The following ELP2 variants were observed in gnomAD, a reference collection of about 807,000 sequenced individuals.
ELP2 encodes elongator complex protein 2.
A neutral mutation model predicts 119.2 loss-of-function variants in ELP2; 90 were observed. That is an observed-to-expected ratio of 0.75 (90% CI 0.64 to 0.90). The LOEUF (loss-of-function observed/expected upper bound fraction) is 0.90. Among genes scored for constraint, ELP2 ranks in the 40% least tolerant of loss-of-function variants. The pLI, the probability that ELP2 is intolerant of heterozygous loss-of-function variation, is 0.00. For synonymous variants in ELP2, 339 were observed against 331.0 expected, an observed-to-expected ratio of 1.02 and a Z score of -0.26; for missense variants, 921 against 967.8, an observed-to-expected ratio of 0.95 and a Z score of 0.64.
rs576267860 is a variant in ELP2 at position 36,177,059 on chromosome 18, G to A, written c.*2418G>A. 1 of 152,098 alleles carries A rather than the reference G, an allele frequency of 6.6e-6. No individual in the cohort carries two copies. Among genetic ancestry groups the A allele is most frequent in the African/African-American group, 2.4e-5 (1 of 41,404 alleles). 9.4% of individuals were successfully genotyped at this position (152,098 alleles called of 1,614,324 possible). The stretch of plus-strand genomic sequence containing the variant: ...GACTTGGAAAAAAACAATGAACGCT[G>A]GTCATTGATATGTATACTGACATGT... On this transcript the variant is annotated 3_prime_UTR_variant, in exon 22 of 22. Coordinates refer to ENST00000358232, the MANE Select transcript of ELP2 (RefSeq NM_018255.4).
chr18:36,130,307 A>G (rs2089560258), intron 1 of ELP2, among the ~76,000 whole-genome samples: 1 of 152,200 alleles, frequency 6.6e-6, no homozygotes, highest in Non-Finnish European at 1.5e-5. Context: ...ATGAGCTGCT[A>G]GTAACCTGTT....
At position 36,174,735 on chromosome 18, in the gene ELP2, T is replaced by C. The variant is rs756219570; in HGVS notation, c.*94T>C. ...TACCTTCATAACTGAATTGAGTTTC[T>C]GGGTTTTTTTTTTTTTTGAGATGGA... On this transcript the variant is annotated 3_prime_UTR_variant, in exon 22 of 22. Coordinates refer to ENST00000358232, the MANE Select transcript of ELP2 (RefSeq NM_018255.4). The C allele has an allele frequency of 8.5e-6, 11 of 1,289,244 alleles. No individual in the cohort carries two copies. Among genetic ancestry groups the C allele is most frequent in the Middle Eastern group, 4.2e-4 (2 of 4,806 alleles). 79.9% of individuals were successfully genotyped at this position (1,289,244 alleles called of 1,614,324 possible).
Position 36,177,338 on chromosome 18 carries a change from A to T in ELP2, c.*2697A>T, listed in dbSNP as rs2091248452. ...ATTATTCAGCCTCTAAAAGGAAGAT[A>T]CGCTGACATGTGCTGCAACATGGAT... On this transcript the variant is annotated 3_prime_UTR_variant, in exon 22 of 22. Transcript: ENST00000358232. The T allele has an allele frequency of 6.6e-6, 1 of 152,232 alleles. No individual in the cohort carries two copies. Among genetic ancestry groups the T allele is most frequent in the Non-Finnish European group, 1.5e-5 (1 of 68,038 alleles). The allele number at this position is 152,232 out of a possible 1,614,324, so 9.4% of individuals were successfully genotyped here. A position where few individuals can be genotyped will look rare whatever the true frequency, so the allele number is the denominator to read the frequency against.
At position 36,175,372 on chromosome 18, in the gene ELP2, C is replaced by T. The variant is rs1405534583; in HGVS notation, c.*731C>T. 6.6e-6 allele frequency: 1 copy of T among 152,198 alleles called. No homozygotes were observed. Among genetic ancestry groups the T allele is most frequent in the African/African-American group, 2.4e-5 (1 of 41,458 alleles). 9.4% of individuals were successfully genotyped at this position (152,198 alleles called of 1,614,324 possible). A position where few individuals can be genotyped will look rare whatever the true frequency, so the allele number is the denominator to read the frequency against. ...GATAGCATACCACGCCAAGTGTGCT[C>T]TGTCTTGATCCCCTTCTTTCTAGCA... On this transcript the variant is annotated 3_prime_UTR_variant, in exon 22 of 22. Coordinates refer to ENST00000358232, the MANE Select transcript of ELP2 (RefSeq NM_018255.4).
rs995961211 is a variant in ELP2, at chr18:36,149,015, A to G, written c.1125+2634A>G. 3.3e-5 allele frequency among the ~76,000 whole-genome samples: 5 copies of G among 152,262 alleles called. No homozygotes were observed. In the East Asian group the frequency reaches 5.8e-4, roughly 18 times the overall value. Reference sequence around the variant, plus strand: ...GTTTCAGAAGGAGTAGCCTCAGTCAATATTATATACAACTTCACTTTTTCA... The same window carrying G: ...GTTTCAGAAGGAGTAGCCTCAGTCAGTATTATATACAACTTCACTTTTTCA... On this transcript the variant is annotated intron_variant, in intron 11 of 21. Transcript: ENST00000358232.
chr18:36,169,894 T>G, intron 19 of ELP2, 169 bp from the exon 20 acceptor site: 1 of 865,364 alleles, frequency 1.2e-6, no homozygotes, highest in East Asian at 2.7e-5. Context: ...GCCTTCTTTC[T>G]GATGCTTGAA....
rs1408899432 is a variant in ELP2 at position 36,164,584 on chromosome 18, C to T, written c.1871C>T (p.Pro624Leu). ...ACAGTCACGCAGATGGCCTTCTCAC[C>T]TAATGAGAAGTTCTTACTAGCTGTT... ...SLTVTQMAFSPNEKFLLAVSR... is the reference protein window; with the variant it reads ...SLTVTQMAFSLNEKFLLAVSR... The change falls in exon 18 of 22, where the codon CCT becomes CTT. Residue 624 changes from proline to leucine, a missense_variant. By Grantham distance (98) the Pro-to-Leu change is moderately conservative (BLOSUM62 -3). Transcript: ENST00000358232. The T allele has an allele frequency of 6.2e-7, 1 of 1,613,662 alleles. No individual in the cohort carries two copies. Among genetic ancestry groups the T allele is most frequent in the Non-Finnish European group, 8.5e-7 (1 of 1,179,720 alleles).
At chr18:36,143,936 T>C (rs2090120891) in intron 8 of ELP2, among the ~76,000 whole-genome samples, 1 of 152,206 alleles carries the variant, frequency 6.6e-6, no homozygotes, top group Non-Finnish European at 1.5e-5. Flanking sequence ...AAGCTAAATC[T>C]CACCATTTGA....
intron 1 of ELP2, 113 bp downstream of exon 1, chr18:36,130,184 C>T (rs1248201526): frequency 1.4e-6 from 2 of 1,427,270 alleles, no homozygotes; most frequent in East Asian, 4.6e-5. Context: ...GTCGGGTCGG[C>T]TCAGGGGAGC....
rs571393246 is a variant in ELP2, at chr18:36,149,591, A to T, written c.1125+3210A>T. ...TCAGGTAGAGGAGAAAAAATAAATTAAAAAAAAAATTTTTTTGAGGCGATT... is the reference window on the plus strand; with the variant it reads ...TCAGGTAGAGGAGAAAAAATAAATTTAAAAAAAAATTTTTTTGAGGCGATT... On this transcript the variant is annotated intron_variant, in intron 11 of 21. Coordinates refer to ENST00000358232, the MANE Select transcript of ELP2 (RefSeq NM_018255.4). 1.3e-3 allele frequency among the ~76,000 whole-genome samples: 188 copies of T among 147,810 alleles called. 2 individuals are homozygous for T. The highest frequency in any genetic ancestry group is 4.5e-3 in the African/African-American group (180 of 40,280).
At chr18:36,151,529 G>T (rs1056167069) in intron 11 of ELP2, among the ~76,000 whole-genome samples, 1 of 152,062 alleles carries the variant, frequency 6.6e-6, no homozygotes, top group Non-Finnish European at 1.5e-5. Context: ...TTTAGGCCAG[G>T]CATGGCGTCT....
chr18:36,131,543 G>A (rs1273377399), intron 1 of ELP2, among the ~76,000 whole-genome samples: 1 of 152,238 alleles, frequency 6.6e-6, no homozygotes, highest in Admixed American at 6.5e-5. Flanking sequence ...GAGCCCGGGA[G>A]AGCCAGGGTG....
At chr18:36,151,334 C>G (rs1348534693) in intron 11 of ELP2, among the ~76,000 whole-genome samples, 1 of 151,972 alleles carries the variant, frequency 6.6e-6, no homozygotes, top group Non-Finnish European at 1.5e-5. Context: ...CTACCCGCTT[C>G]TGCCTCCCAA....
In ELP2 at chr18:36,174,711, A is replaced by T; in HGVS notation, c.*70A>T. On this transcript the variant is annotated 3_prime_UTR_variant, in exon 22 of 22. Coordinates refer to ENST00000358232, the MANE Select transcript of ELP2 (RefSeq NM_018255.4). ...ATTATCATGTAAACAGGTCATCTTT[A>T]CCTTCATAACTGAATTGAGTTTCTG... The T allele has an allele frequency of 6.8e-7, 1 of 1,474,196 alleles. No homozygotes were observed. The highest frequency in any genetic ancestry group is 1.8e-4 in the Middle Eastern group (1 of 5,610). The allele number at this position is 1,474,196 out of a possible 1,614,324, so 91.3% of individuals were successfully genotyped here.
chr18:36,168,058 A>G (rs905676955), intron 19 of ELP2, among the ~76,000 whole-genome samples: 8 of 152,112 alleles, frequency 5.3e-5, no homozygotes, highest in African/African-American at 1.4e-4. Context: ...CTTTGTTTTC[A>G]TACTCTTTAA....
Position 36,158,856 on chromosome 18 carries a change from G to A in ELP2, c.1486G>A (p.Gly496Arg), listed in dbSNP as rs773251765. Residue 496 changes from glycine (G) to arginine (R), a missense_variant, in exon 14 of 22, where the codon GGA becomes AGA. Gly to Arg is a moderately radical substitution (Grantham distance 125). Coordinates refer to ENST00000358232, the MANE Select transcript of ELP2 (RefSeq NM_018255.4). ...CTAGCAAGATAGTGATCTTCCAGAA[G>A]GAGCCACTGTCCCTGCATTGGGATT... is the stretch of plus-strand genomic sequence containing the variant. ...LCNQDSDLPE[G>R]ATVPALGLSN... 1 of 1,608,894 alleles carries A rather than the reference G, an allele frequency of 6.2e-7. No individual in the cohort carries two copies. The highest frequency in any genetic ancestry group is 1.1e-5 in the South Asian group (1 of 90,966).
In ELP2 at chr18:36,167,084, A is replaced by C; in HGVS notation, c.1955-17A>C. ...GCTTTCTCTGCTTTGTGAATAGTGTATACATATTTCTTTCAGAGCCAGTTT... is the reference window on the plus strand; with the variant it reads ...GCTTTCTCTGCTTTGTGAATAGTGTCTACATATTTCTTTCAGAGCCAGTTT... On this transcript the variant is annotated splice_polypyrimidine_tract_variant and intron_variant, in intron 18 of 21. Coordinates refer to ENST00000358232, the MANE Select transcript of ELP2 (RefSeq NM_018255.4). 1 of 1,595,196 alleles carries C rather than the reference A, an allele frequency of 6.3e-7. No individual in the cohort carries two copies. Among genetic ancestry groups the C allele is most frequent in the Non-Finnish European group, 8.5e-7 (1 of 1,171,598 alleles).
At chr18:36,146,635 C>G (rs754219898) in intron 11 of ELP2, among the ~76,000 whole-genome samples, 7 of 152,034 alleles carry the variant, frequency 4.6e-5, no homozygotes, top group Admixed American at 1.3e-4. Context: ...GCTTTCCTGT[C>G]TTCTTAAAAA....
intron 8 of ELP2, 90 bp from the exon 9 acceptor site, chr18:36,144,849 T>C (rs904698274): frequency 1.3e-4 from 134 of 1,066,344 alleles, no homozygotes; most frequent in Non-Finnish European, 1.6e-4. Flanking sequence ...AATTTTTTTT[T>C]CTTACATAAT....
Sources: gnomAD v4.1 joint callset for allele counts (sites outside exome capture counted in the v4.1 genomes callset) on GRCh38, gnomAD v4.1.1 for gene constraint, MANE v1.5 for transcripts, NCBI Gene and HGNC (gene_info 2026-07-23, HGNC 2026-07-21) for gene names.